HMCN1: variants seen among roughly 807,000 people sequenced by gnomAD.
The protein encoded by HMCN1 is hemicentin-1.
A neutral mutation model predicts 625.9 loss-of-function variants in HMCN1; 321 were observed. The ratio of observed to expected loss-of-function variants is 0.51; its 90% confidence interval spans 0.47 to 0.56. The LOEUF is 0.56. Ranked by LOEUF, HMCN1 falls within the 20% of genes least tolerant of loss-of-function variation. The pLI is 0.00. For missense variants in HMCN1, 6,588 were observed against 6,887.3 expected (o/e 0.96, Z 1.54); for synonymous variants, 2,425 against 2,417.6 (o/e 1.00, Z -0.09).
intron 23 of HMCN1, among the ~76,000 whole-genome samples, chr1:185,994,590 C>T (rs1418614254): frequency 6.6e-6 from 1 of 152,066 alleles, no homozygotes; most frequent in African/African-American, 2.4e-5. Context: ...TTGCAGTGTA[C>T]TGGCATTACA....
Position 186,141,192 on chromosome 1 carries a change from C to T in HMCN1, c.13925-2981C>T, listed in dbSNP as rs142237245. ...ATGCCACTGCTGATCTGACAGGAGA[C>T]GGAGTTCGTGGTAATGTTAGCAATG... On this transcript the variant is annotated intron_variant, in intron 89 of 106. Transcript: ENST00000271588. 9.9e-3 allele frequency among the ~76,000 whole-genome samples: 1,504 copies of T among 151,932 alleles called. 15 individuals are homozygous for T. Among genetic ancestry groups the T allele is most frequent in the African/African-American group, 0.03 (1,222 of 41,256 alleles).
intron 12 of HMCN1, 63 bp downstream of exon 12, chr1:185,962,722 C>T (rs962419093): frequency 3.2e-6 from 3 of 929,228 alleles, no homozygotes; most frequent in African/African-American, 3.2e-5. Flanking sequence ...GACTTCTGGA[C>T]CAAACTAATA....
rs2102690031 is a variant in HMCN1, at chr1:186,190,727, T to G, written c.*849T>G. On this transcript the variant is annotated 3_prime_UTR_variant, in exon 107 of 107. Coordinates refer to ENST00000271588, the MANE Select transcript of HMCN1 (RefSeq NM_031935.3). ...GATTTGGTTTTTTAAAAATCTCATG[T>G]GTTCAAATTAACATAAATATTACAC... 5.1e-6 allele frequency: 1 copy of G among 196,604 alleles called. No individual in the cohort carries two copies. The highest frequency in any genetic ancestry group is 6.1e-5 in the Admixed American group (1 of 16,482). 12.2% of individuals were successfully genotyped at this position (196,604 alleles called of 1,614,324 possible). A position where few individuals can be genotyped will look rare whatever the true frequency, so the allele number is the denominator to read the frequency against.
Position 185,886,229 on chromosome 1 carries a change from G to C in HMCN1, c.621+20366G>C, listed in dbSNP as rs149657053. Among the ~76,000 whole-genome samples the C allele has an allele frequency of 4.2e-3, 637 of 151,682 alleles. 5 individuals are homozygous for C. Among genetic ancestry groups the C allele is most frequent in the African/African-American group, 0.015 (605 of 41,422 alleles). On this transcript the variant is annotated intron_variant, in intron 4 of 106. Coordinates refer to ENST00000271588, the MANE Select transcript of HMCN1 (RefSeq NM_031935.3). ...TTCTATTGGAAGAAAAAAAAAAAGAGATGAGGGGAGTGGGTGGAAACAGAG... is the reference window on the plus strand; with the variant it reads ...TTCTATTGGAAGAAAAAAAAAAAGACATGAGGGGAGTGGGTGGAAACAGAG...
chr1:185,910,919 G>A (rs1440026785), intron 5 of HMCN1, among the ~76,000 whole-genome samples: 1 of 152,142 alleles, frequency 6.6e-6, no homozygotes, highest in Non-Finnish European at 1.5e-5. Context: ...AAAGTCAAGA[G>A]TTAAGTGAAA....
chr1:185,987,263 T>A (rs1184250568), intron 19 of HMCN1, among the ~76,000 whole-genome samples, 169 bp from the exon 20 acceptor site: 3 of 152,248 alleles, frequency 2.0e-5, no homozygotes, highest in Admixed American at 6.5e-5. Context: ...TTATTGTCTT[T>A]GTTTAGCACA....
intron 4 of HMCN1, among the ~76,000 whole-genome samples, chr1:185,902,708 T>G (rs1665885772): frequency 6.6e-6 from 1 of 151,680 alleles, no homozygotes. Flanking sequence ...GTTGTTTTTG[T>G]TACTCGTAGC....
intron 11 of HMCN1, among the ~76,000 whole-genome samples, chr1:185,943,195 C>G (rs994220557): frequency 6.6e-6 from 1 of 152,150 alleles, no homozygotes; most frequent in African/African-American, 2.4e-5. Flanking sequence ...GAGAGCTACT[C>G]TACAAATTGA....
chr1:186,027,304 C>T (rs1014157369), intron 36 of HMCN1, among the ~76,000 whole-genome samples: 2 of 152,096 alleles, frequency 1.3e-5, no homozygotes, highest in Admixed American at 6.5e-5. Flanking sequence ...TTTTTATTCC[C>T]TAGACCAAAC....
At chr1:185,752,811 G>GA (rs1216637667) in intron 1 of HMCN1, among the ~76,000 whole-genome samples, 2 of 152,094 alleles carry the variant, frequency 1.3e-5, no homozygotes, top group Non-Finnish European at 2.9e-5. Context: ...CCTGGCAATA[G>GA]AAAAAAGGTT....
intron 89 of HMCN1, among the ~76,000 whole-genome samples, chr1:186,138,317 A>G (rs1193618846): frequency 6.6e-6 from 1 of 152,204 alleles, no homozygotes; most frequent in Non-Finnish European, 1.5e-5. Flanking sequence ...AACCCTAGAG[A>G]GGTTAAAGAC....
chr1:186,084,490 C>A (rs1247904233), intron 57 of HMCN1, among the ~76,000 whole-genome samples: 2 of 152,044 alleles, frequency 1.3e-5, no homozygotes, highest in African/African-American at 2.4e-5. Context: ...TTGGAAAATT[C>A]ATTTGAGGGG....
chr1:185,854,689 T>C (rs1363966621), intron 2 of HMCN1, among the ~76,000 whole-genome samples: 1 of 152,214 alleles, frequency 6.6e-6, no homozygotes, highest in African/African-American at 2.4e-5. Context: ...ATATATGTAG[T>C]CATTGCCTTT....
intron 2 of HMCN1, 129 bp from the exon 3 acceptor site, chr1:185,864,341 A>T: frequency 1.2e-6 from 1 of 818,500 alleles, no homozygotes; most frequent in African/African-American, 1.7e-5. Context: ...TCTTGAACAA[A>T]GTGTCAAACT....
intron 1 of HMCN1, among the ~76,000 whole-genome samples, chr1:185,743,982 GTTTTTTTTTTTT>G (rs1214723950): frequency 1.1e-5 from 1 of 88,140 alleles, no homozygotes; most frequent in Non-Finnish European, 2.2e-5. Flanking sequence ...TTACTGTTTT[GTTTTTTTTTTTT>G]TTTTTTTTTT....
At chr1:185,933,273 T>C (rs1192495637) in intron 10 of HMCN1, among the ~76,000 whole-genome samples, 1 of 152,174 alleles carries the variant, frequency 6.6e-6, no homozygotes. Flanking sequence ...AGTCAAGTTA[T>C]ACTCTTTTGC....
chr1:186,103,998 G>A (rs1045743788), intron 69 of HMCN1, among the ~76,000 whole-genome samples: 1 of 152,068 alleles, frequency 6.6e-6, no homozygotes, highest in Non-Finnish European at 1.5e-5. Context: ...AATCCAACAT[G>A]CATATATATA....
intron 32 of HMCN1, 83 bp downstream of exon 32, chr1:186,016,322 T>A: frequency 7.6e-7 from 1 of 1,313,326 alleles, no homozygotes. Context: ...GTTCATGCAA[T>A]AATAAAACAA....
chr1:186,022,883 G>A (rs915276306), intron 35 of HMCN1, 147 bp from the exon 36 acceptor site: 25 of 768,566 alleles, frequency 3.3e-5, no homozygotes, highest in Middle Eastern at 3.1e-4. Flanking sequence ...ATGTGAACTC[G>A]CTCTAGTCTA....
Sources: gnomAD v4.1 joint callset for allele counts (sites outside exome capture counted in the v4.1 genomes callset) on GRCh38, gnomAD v4.1.1 for gene constraint, MANE v1.5 for transcripts, NCBI Gene and HGNC (gene_info 2026-07-23, HGNC 2026-07-21) for gene names.